The following HS3ST4 variants were observed in gnomAD, a reference collection of about 807,000 sequenced individuals.
HS3ST4 encodes the protein heparan sulfate-glucosamine 3-sulfotransferase 4, also known as heparan sulfate glucosamine 3-O-sulfotransferase 4.
HS3ST4 carries 17 observed loss-of-function variants against 29.2 expected under a neutral mutation model. The ratio of observed to expected loss-of-function variants is 0.58; its 90% CI spans 0.40 to 0.87. The LOEUF (loss-of-function observed/expected upper bound fraction) is 0.87. Ranked by LOEUF, HS3ST4 falls within the 40% of genes least tolerant of loss-of-function variation. The pLI is 0.00. For synonymous variants in HS3ST4, 314 were observed against 285.7 expected (o/e 1.10, Z -1.00); for missense variants, 627 against 634.5 (o/e 0.99, Z 0.13).
intron 1 of HS3ST4, among the ~76,000 whole-genome samples, chr16:25,911,577 G>GTT (rs1968240619): frequency 3.0e-5 from 4 of 131,808 alleles, no homozygotes; most frequent in Non-Finnish European, 6.1e-5. Context: ...TGCAATCATA[G>GTT]CTCACTGCAG....
At chr16:25,940,665 A>G (rs1042332886) in intron 1 of HS3ST4, among the ~76,000 whole-genome samples, 3 of 152,224 alleles carry the variant, frequency 2.0e-5, no homozygotes, top group African/African-American at 7.2e-5. Flanking sequence ...TGCAAGAACT[A>G]TGCACAGATC....
At chr16:25,797,655 TG>T (rs1406073928) in intron 1 of HS3ST4, among the ~76,000 whole-genome samples, 2 of 152,108 alleles carry the variant, frequency 1.3e-5, no homozygotes, top group Non-Finnish European at 2.9e-5. Flanking sequence ...AATAATCAAG[TG>T]ATATGTTTGC....
At chr16:26,123,318 A>G (rs1437771058) in intron 1 of HS3ST4, among the ~76,000 whole-genome samples, 19 of 152,148 alleles carry the variant, frequency 1.2e-4, no homozygotes, top group Admixed American at 6.5e-5. Context: ...CAGAGATAGA[A>G]CCCAGAGACT....
chr16:25,866,510 A>G (rs995627827), intron 1 of HS3ST4, among the ~76,000 whole-genome samples: 1 of 152,226 alleles, frequency 6.6e-6, no homozygotes, highest in Non-Finnish European at 1.5e-5. Context: ...TTGCAGGGAC[A>G]TGGATGAAGC....
chr16:25,921,263 C>T lies in HS3ST4; in HGVS notation c.735-214349C>T, dbSNP rs569792713. ...CAAATTCCCAAGGTTGCCCAAAGTT[C>T]GGGAAAGAGATTCAGCATCCATACA... On this transcript the variant is annotated intron_variant, in intron 1 of 1. Transcript: ENST00000331351. Among the ~76,000 whole-genome samples, 7 of 152,234 alleles carry T rather than the reference C, an allele frequency of 4.6e-5. No individual in the cohort carries two copies. The South Asian group carries it at 8.3e-4, about 18-fold the overall frequency.
chr16:25,963,026 C>T (rs1363159078), intron 1 of HS3ST4, among the ~76,000 whole-genome samples: 2 of 151,928 alleles, frequency 1.3e-5, no homozygotes, highest in Non-Finnish European at 2.9e-5. Context: ...GAAGAGAATG[C>T]CAGGGTTAAA....
intron 1 of HS3ST4, among the ~76,000 whole-genome samples, chr16:25,751,092 T>C (rs1342016031): frequency 2.0e-5 from 3 of 152,156 alleles, no homozygotes; most frequent in African/African-American, 7.2e-5. Context: ...TGATGAGGAA[T>C]GCTTAAAACT....
chr16:25,781,398 T>C (rs1966852463), intron 1 of HS3ST4, among the ~76,000 whole-genome samples: 1 of 152,200 alleles, frequency 6.6e-6, no homozygotes, highest in Non-Finnish European at 1.5e-5. Context: ...TATTTCTGCA[T>C]TGTACTTACT....
chr16:26,045,491 C>T (rs1898252949), intron 1 of HS3ST4, among the ~76,000 whole-genome samples: 1 of 152,142 alleles, frequency 6.6e-6, no homozygotes, highest in Admixed American at 6.5e-5. Flanking sequence ...TTGAATGTAG[C>T]ACTAGAACTC....
chr16:26,110,181 A>G (rs1423911935), intron 1 of HS3ST4, among the ~76,000 whole-genome samples: 1 of 152,176 alleles, frequency 6.6e-6, no homozygotes, highest in Non-Finnish European at 1.5e-5. Flanking sequence ...TTCACTTAGC[A>G]TAATGTCCTC....
intron 1 of HS3ST4, among the ~76,000 whole-genome samples, chr16:25,990,144 A>G (rs1024084738): frequency 2.0e-5 from 3 of 152,198 alleles, no homozygotes; most frequent in Non-Finnish European, 4.4e-5. Context: ...TTCTGAATGT[A>G]TCACATTCAC....
At chr16:26,053,085 C>G (rs1898365837) in intron 1 of HS3ST4, among the ~76,000 whole-genome samples, 1 of 152,184 alleles carries the variant, frequency 6.6e-6, no homozygotes, top group Non-Finnish European at 1.5e-5. Context: ...TTGGGCAAGC[C>G]CTTTCCTCTC....
rs142891423 is a variant in HS3ST4 at position 25,979,466 on chromosome 16, T to G, written c.735-156146T>G. On this transcript the variant is annotated intron_variant, in intron 1 of 1. Coordinates refer to ENST00000331351, the MANE Select transcript of HS3ST4 (RefSeq NM_006040.3). Reference sequence around the variant, plus strand: ...GATCAGCAGAGGCATTAGATTCTCATAGAAGCATGAACACTATTGTGAACT... The same window carrying G: ...GATCAGCAGAGGCATTAGATTCTCAGAGAAGCATGAACACTATTGTGAACT... 2.5e-3 allele frequency among the ~76,000 whole-genome samples: 384 copies of G among 152,250 alleles called. 1 individual carries two copies. Among genetic ancestry groups the G allele is most frequent in the African/African-American group, 8.6e-3 (358 of 41,542 alleles).
At chr16:25,719,612 G>A (rs1181831435) in intron 1 of HS3ST4, among the ~76,000 whole-genome samples, 1 of 152,204 alleles carries the variant, frequency 6.6e-6, no homozygotes, top group Non-Finnish European at 1.5e-5. Flanking sequence ...ACTATAGTTT[G>A]TTGCAGCATG....
At chr16:25,928,591 A>G (rs1398084281) in intron 1 of HS3ST4, among the ~76,000 whole-genome samples, 2 of 152,174 alleles carry the variant, frequency 1.3e-5, no homozygotes, top group African/African-American at 4.8e-5. Context: ...GAGTACTGTC[A>G]TCTCAGTAGC....
intron 1 of HS3ST4, among the ~76,000 whole-genome samples, chr16:25,888,820 A>C (rs1008613200): frequency 2.6e-5 from 4 of 152,236 alleles, no homozygotes; most frequent in Admixed American, 6.5e-5. Flanking sequence ...AACAACTCTG[A>C]AAAGATGCTC....
In HS3ST4 at chr16:26,135,773, C is replaced by T. The variant is rs1461999902; in HGVS notation, c.896C>T (p.Thr299Met). ...GTGACCAGGGCCATCTCTGACTACA[C>T]GCAGACACTGTCAAAGAAACCCGAG... ...NPVTRAISDY[T>M]QTLSKKPEIP... Residue 299 changes from threonine (T) to methionine (M), a missense_variant, in exon 2 of 2, where the codon ACG (threonine) becomes ATG (methionine). This residue lies in a region of HS3ST4 where 225 missense variants were observed against 293.7 expected (regional missense o/e 0.77). Transcript: ENST00000331351. 8 of 1,610,802 alleles carry T rather than the reference C, an allele frequency of 5.0e-6. No individual in the cohort carries two copies. Among genetic ancestry groups the T allele is most frequent in the Non-Finnish European group, 6.8e-6 (8 of 1,178,828 alleles).
At chr16:25,936,896 C>T (rs976077718) in intron 1 of HS3ST4, among the ~76,000 whole-genome samples, 15 of 152,236 alleles carry the variant, frequency 9.9e-5, no homozygotes, top group East Asian at 3.9e-4. Flanking sequence ...GAAGGAAGAA[C>T]GGAAATGGAA....
At chr16:25,808,055 A>G (rs1362726836) in intron 1 of HS3ST4, among the ~76,000 whole-genome samples, 1 of 152,046 alleles carries the variant, frequency 6.6e-6, no homozygotes, top group Non-Finnish European at 1.5e-5. Flanking sequence ...TGATTTGTAG[A>G]TATTTTCTTC....
Sources: allele counts gnomAD v4.1 joint callset (sites outside exome capture counted in the v4.1 genomes callset), GRCh38; gene constraint gnomAD v4.1.1; regional missense constraint gnomAD v4.1.1; transcripts MANE v1.5; gene names NCBI Gene and HGNC (gene_info 2026-07-23, HGNC 2026-07-21).